BICRA: variants seen among roughly 807,000 people sequenced by gnomAD.
BICRA encodes the protein BRD4 interacting chromatin remodeling complex associated protein.
In BICRA, 31 loss-of-function variants were observed where a neutral mutation model predicts 96.9. That is an observed-to-expected ratio of 0.32 (90% CI 0.24 to 0.43). The LOEUF is 0.43. Among genes scored for constraint, BICRA ranks in the 20% least tolerant of loss-of-function variants. The probability of loss-of-function intolerance (pLI) is 1.00; values close to 1 mark genes in which losing one functional copy is unlikely to be tolerated. For missense variants in BICRA, 2,283 were observed against 2,190.3 expected, an observed-to-expected ratio of 1.04 and a Z score of -0.84; for synonymous variants, 1,350 against 1,071.8, an observed-to-expected ratio of 1.26 and a Z score of -5.07.
chr19:47,643,874 T>TG (rs939725132), intron 1 of BICRA, among the ~76,000 whole-genome samples: 1 of 152,136 alleles, frequency 6.6e-6, no homozygotes, highest in South Asian at 2.1e-4. Flanking sequence ...ACCACTGACC[T>TG]GGGGGGGTTA....
At chr19:47,633,304 T>G (rs1399520263) in intron 1 of BICRA, among the ~76,000 whole-genome samples, 1 of 152,026 alleles carries the variant, frequency 6.6e-6, no homozygotes, top group African/African-American at 2.4e-5. Context: ...GGTCTTGAGC[T>G]CCTGACCTCA....
chr19:47,615,423 C>T (rs905497818), intron 1 of BICRA, among the ~76,000 whole-genome samples: 3 of 152,236 alleles, frequency 2.0e-5, no homozygotes, highest in Non-Finnish European at 4.4e-5. Flanking sequence ...CTTGCCTCTT[C>T]CTCCTGCTTA....
intron 1 of BICRA, among the ~76,000 whole-genome samples, chr19:47,651,716 G>C (rs1052976498): frequency 1.6e-4 from 24 of 152,174 alleles, no homozygotes; most frequent in African/African-American, 5.3e-4. Flanking sequence ...ACTGAGTTTA[G>C]AAGTGGGAGG....
At chr19:47,684,384 G>A (rs1434032091) in intron 7 of BICRA, among the ~76,000 whole-genome samples, 1 of 152,224 alleles carries the variant, frequency 6.6e-6, no homozygotes, top group East Asian at 1.9e-4. Flanking sequence ...GTATCACCAT[G>A]TTGGCCAAGC....
Position 47,680,571 on chromosome 19 carries a change from G to A in BICRA, c.1401G>A (p.Pro467=), listed in dbSNP as rs748534505. ...SIVIPAQHML[P]GQNQFLLPGA... ...TCATCCCCGCCCAGCACATGCTGCC[G>A]GGCCAGAACCAGTTCCTACTGCCTG... is the stretch of plus-strand genomic sequence containing the variant. The change falls in exon 6 of 15, where the codon CCG becomes CCA. Residue 467 remains proline, a synonymous_variant. Coordinates refer to ENST00000594866, the MANE Select transcript of BICRA (RefSeq NM_001394372.1). 69 of 1,601,602 alleles carry A rather than the reference G, an allele frequency of 4.3e-5. No homozygotes were observed. Among genetic ancestry groups the A allele is most frequent in the Non-Finnish European group, 5.6e-5 (66 of 1,175,160 alleles).
intron 7 of BICRA, among the ~76,000 whole-genome samples, chr19:47,683,646 G>A (rs1367920990): frequency 2.7e-5 from 4 of 150,558 alleles, no homozygotes; most frequent in African/African-American, 4.9e-5. Context: ...GTGCGGTGTC[G>A]CGATCTCTGC....
chr19:47,659,749 CTCTT>C (rs1209048499), intron 1 of BICRA, among the ~76,000 whole-genome samples: 19 of 149,560 alleles, frequency 1.3e-4, no homozygotes, highest in South Asian at 2.1e-4. Flanking sequence ...CTTCTCTTCT[CTCTT>C]TCTTTTTCTT....
intron 1 of BICRA, among the ~76,000 whole-genome samples, chr19:47,633,825 A>G (rs576769164): frequency 2.0e-5 from 3 of 152,362 alleles, no homozygotes; most frequent in East Asian, 3.9e-4. Flanking sequence ...CAGGCTATTT[A>G]TAACCCGTCT....
At chr19:47,617,769 G>C (rs1396568632) in intron 1 of BICRA, among the ~76,000 whole-genome samples, 23 of 86,670 alleles carry the variant, frequency 2.7e-4, no homozygotes, top group Non-Finnish European at 2.4e-5. Flanking sequence ...ATTTTCTGCT[G>C]ATCTGATCTT....
chr19:47,639,319 A>ATTTTTTTTTTT (rs35509834), intron 1 of BICRA, among the ~76,000 whole-genome samples: 1 of 52,368 alleles, frequency 1.9e-5, no homozygotes, highest in Non-Finnish European at 3.2e-5. Flanking sequence ...CCCACCCTGC[A>ATTTTTTTTTTT]TTTTTTTTTT....
Position 47,680,871 on chromosome 19 carries a change from C to T in BICRA, c.1701C>T (p.Pro567=). ...TGTCGCTGGCGGCGGGCAGCCTGCC[C>T]ACGCAGAGCCAGCCAGCGCCCGCCG... ...MPVSLAAGSL[P]TQSQPAPAGP... Residue 567 remains proline, a synonymous_variant, in exon 6 of 15, where the codon CCC becomes CCT. Transcript: ENST00000594866. 1 of 1,520,494 alleles carries T rather than the reference C, an allele frequency of 6.6e-7. No homozygotes were observed. Among genetic ancestry groups the T allele is most frequent in the Non-Finnish European group, 8.7e-7 (1 of 1,144,732 alleles). The allele number at this position is 1,520,494 out of a possible 1,614,324, so 94.2% of individuals were successfully genotyped here.
intron 1 of BICRA, among the ~76,000 whole-genome samples, chr19:47,636,630 C>T (rs952265066): frequency 6.6e-6 from 1 of 152,248 alleles, no homozygotes; most frequent in East Asian, 1.9e-4. Flanking sequence ...GCCTCCACCA[C>T]CTGAGTGGCT....
intron 7 of BICRA, among the ~76,000 whole-genome samples, chr19:47,690,857 G>A (rs746816715): frequency 4.0e-5 from 6 of 151,416 alleles, no homozygotes. Flanking sequence ...TTAATTTTTT[G>A]GTATCTTTAA....
intron 1 of BICRA, among the ~76,000 whole-genome samples, chr19:47,653,924 C>T (rs1466874351): frequency 6.6e-6 from 1 of 152,104 alleles, no homozygotes; most frequent in East Asian, 1.9e-4. Flanking sequence ...CCTGTGCCTC[C>T]CAGGTTCAAG....
intron 1 of BICRA, among the ~76,000 whole-genome samples, chr19:47,649,839 A>G (rs1190837884): frequency 6.6e-6 from 1 of 152,222 alleles, no homozygotes; most frequent in African/African-American, 2.4e-5. Context: ...AAAGTCAAAT[A>G]TAAACTTGGA....
intron 1 of BICRA, among the ~76,000 whole-genome samples, chr19:47,654,790 GAAAAA>G (rs58825818): frequency 6.9e-6 from 1 of 144,044 alleles, no homozygotes. Flanking sequence ...CCATCTCTAT[GAAAAA>G]AAAAAAAAAA....
At chr19:47,683,026 ATATT>A (rs1224321596) in intron 7 of BICRA, among the ~76,000 whole-genome samples, 11 of 152,086 alleles carry the variant, frequency 7.2e-5, no homozygotes, top group African/African-American at 2.2e-4. Context: ...GGGTGTGCGG[ATATT>A]TATTTAGCCA....
chr19:47,608,753 C>T (rs1160007314), upstream of BICRA, among the ~76,000 whole-genome samples: 3 of 151,622 alleles, frequency 2.0e-5, no homozygotes, highest in Non-Finnish European at 4.4e-5. Context: ...GGTCCCGCCG[C>T]TCGGCCTGGC....
At chr19:47,672,810 C>T (rs1972886572) in intron 2 of BICRA, among the ~76,000 whole-genome samples, 1 of 151,940 alleles carries the variant, frequency 6.6e-6, no homozygotes, top group African/African-American at 2.4e-5. Flanking sequence ...TGCCTGGCAC[C>T]TAGTGAGCAC....
Sources: gnomAD v4.1 joint callset for allele counts (sites outside exome capture counted in the v4.1 genomes callset) on GRCh38, gnomAD v4.1.1 for gene constraint, MANE v1.5 for transcripts, NCBI Gene and HGNC (gene_info 2026-07-23, HGNC 2026-07-21) for gene names.